Variants in PLSCR4 observed in about 807,000 individuals in gnomAD.
PLSCR4 encodes the protein phospholipid scramblase 4.
Under a neutral mutation model 36.3 loss-of-function variants are expected in PLSCR4, and 25 were observed. The ratio of observed to expected loss-of-function variants is 0.69; its 90% CI spans 0.50 to 0.96. The LOEUF (loss-of-function observed/expected upper bound fraction) is 0.96. Among genes scored for constraint, PLSCR4 ranks in the 40% least tolerant of loss-of-function variants. The pLI is 0.00. For synonymous variants in PLSCR4, 122 were observed against 132.9 expected, an observed-to-expected ratio of 0.92 and a Z score of 0.56; for missense variants, 408 against 414.7, an observed-to-expected ratio of 0.98 and a Z score of 0.14.
intron 3 of PLSCR4, among the ~76,000 whole-genome samples, chr3:146,211,362 T>C (rs1309124416): frequency 2.6e-5 from 4 of 152,112 alleles, no homozygotes; most frequent in Admixed American, 2.6e-4. Context: ...TTTGGAGAAC[T>C]ATCTATTAAA....
At chr3:146,244,233 T>C (rs933539201) in intron 1 of PLSCR4, among the ~76,000 whole-genome samples, 2 of 152,134 alleles carry the variant, frequency 1.3e-5, no homozygotes, top group African/African-American at 4.8e-5. Flanking sequence ...CACAACATTA[T>C]CAAAAATATT....
intron 1 of PLSCR4, among the ~76,000 whole-genome samples, chr3:146,246,968 A>G (rs2107869327): frequency 6.6e-6 from 1 of 152,290 alleles, no homozygotes; most frequent in South Asian, 2.1e-4. Context: ...TTTTCCTCCA[A>G]TAGATTTTCT....
intron 1 of PLSCR4, chr3:146,250,678 T>G (rs1351608688): frequency 1.3e-5 from 2 of 151,792 alleles, no homozygotes; most frequent in Non-Finnish European, 2.9e-5. Context: ...CCCCGTGAAG[T>G]GCAGCCAGGA....
intron 1 of PLSCR4, among the ~76,000 whole-genome samples, chr3:146,244,456 C>G (rs114576711): frequency 1.3e-5 from 2 of 152,060 alleles, no homozygotes; most frequent in African/African-American, 2.4e-5. Flanking sequence ...TGCCATTTTG[C>G]AGAACAGCAA....
chr3:146,200,138 T>G (rs1267896150), intron 5 of PLSCR4, 99 bp from the exon 6 acceptor site: 2 of 689,944 alleles, frequency 2.9e-6, no homozygotes, highest in Non-Finnish European at 5.0e-6. Flanking sequence ...CAACATAGCT[T>G]TTTTAAAGTT....
intron 1 of PLSCR4, among the ~76,000 whole-genome samples, chr3:146,243,792 C>A (rs147080696): frequency 6.6e-6 from 1 of 152,242 alleles, no homozygotes; most frequent in East Asian, 1.9e-4. Context: ...AAAAGTCATC[C>A]ATCAGAATGC....
intron 3 of PLSCR4, among the ~76,000 whole-genome samples, chr3:146,214,117 C>CTTT (rs1300325064): frequency 2.2e-4 from 12 of 55,804 alleles, no homozygotes; most frequent in East Asian, 4.0e-4. Context: ...TGATATCTTC[C>CTTT]TTTTTTTTTT....
intron 7 of PLSCR4, among the ~76,000 whole-genome samples, chr3:146,195,496 C>T (rs575299725): frequency 6.6e-6 from 1 of 152,270 alleles, no homozygotes; most frequent in East Asian, 1.9e-4. Flanking sequence ...GACTGCTGCT[C>T]TTTCTTCATC....
At chr3:146,235,928 A>G (rs2035895040) in intron 1 of PLSCR4, among the ~76,000 whole-genome samples, 3 of 152,186 alleles carry the variant, frequency 2.0e-5, no homozygotes, top group African/African-American at 7.2e-5. Flanking sequence ...TCGGGTAACT[A>G]GCAGAAGAAA....
intron 1 of PLSCR4, among the ~76,000 whole-genome samples, chr3:146,224,492 T>TATGTTCCGATGTATTCGG (rs1189970459): frequency 3.4e-5 from 5 of 148,966 alleles, no homozygotes; most frequent in African/African-American, 1.3e-4. Context: ...TGTTCCTTCT[T>TATGTTCCGATGTATTCGG]ATGTTCCGAT....
At chr3:146,217,963 G>A (rs1189561818) in intron 3 of PLSCR4, among the ~76,000 whole-genome samples, 1 of 152,102 alleles carries the variant, frequency 6.6e-6, no homozygotes, top group Non-Finnish European at 1.5e-5. Flanking sequence ...GACTGGGAGA[G>A]GAGAGAGAAG....
rs935213351 is a variant in PLSCR4 at position 146,242,959 on chromosome 3, C to A, written c.-22+8001G>T. Among the ~76,000 whole-genome samples the A allele has an allele frequency of 5.3e-5, 8 of 152,278 alleles. No individual in the cohort carries two copies. In the East Asian group the frequency reaches 1.4e-3, roughly 26 times the overall value. ...ATCTAATGGATCCACTACCTTTTGTCTGAACTATTTCTCCACCAGAGAAAG... is the reference window on the plus strand; with the variant it reads ...ATCTAATGGATCCACTACCTTTTGTATGAACTATTTCTCCACCAGAGAAAG... On this transcript the variant is annotated intron_variant, in intron 1 of 8. Coordinates refer to ENST00000354952, the MANE Select transcript of PLSCR4 (RefSeq NM_020353.3).
intron 6 of PLSCR4, 141 bp from the exon 7 acceptor site, chr3:146,196,934 C>CA (rs1173222617): frequency 2.8e-5 from 20 of 708,432 alleles, no homozygotes; most frequent in South Asian, 4.2e-5. Flanking sequence ...CCTTCCATCT[C>CA]ACCCAGGCCA....
Position 146,195,273 on chromosome 3 carries a change from G to A in PLSCR4, c.796C>T (p.Leu266Phe). 2 of 1,612,978 alleles carry A rather than the reference G, an allele frequency of 1.2e-6. No homozygotes were observed. The highest frequency in any genetic ancestry group is 1.7e-6 in the Non-Finnish European group (2 of 1,179,126). Residue 266 changes from leucine (L) to phenylalanine (F), a missense_variant, in exon 8 of 9, where the codon CTT (leucine) becomes TTT (phenylalanine). Leu to Phe is a conservative substitution (Grantham distance 22, BLOSUM62 0). Transcript: ENST00000354952. ...GSDSVFEVKSLDGISNIGSII... is the reference protein window; with the variant it reads ...GSDSVFEVKSFDGISNIGSII... ...CTGCCGATGTTGGATATGCCATCAA[G>A]GGATTTGACCTGGAATGACAAGAAT... is the stretch of plus-strand genomic sequence containing the variant.
Position 146,193,372 on chromosome 3 carries a change from T to C in PLSCR4, c.*1039A>G, listed in dbSNP as rs567111747. On this transcript the variant is annotated 3_prime_UTR_variant, in exon 9 of 9. Transcript: ENST00000354952. ...TTATAAAGTGCTACATAAAATGTCATATTTCCAAATTTAAAAACATAACTC... is the reference window on the plus strand; with the variant it reads ...TTATAAAGTGCTACATAAAATGTCACATTTCCAAATTTAAAAACATAACTC... 15 of 152,268 alleles carry C rather than the reference T, an allele frequency of 9.9e-5. No individual in the cohort carries two copies. The East Asian group carries it at 2.7e-3, about 27-fold the overall frequency. The allele number at this position is 152,268 out of a possible 1,614,324, so 9.4% of individuals were successfully genotyped here.
intron 1 of PLSCR4, among the ~76,000 whole-genome samples, chr3:146,247,326 A>G (rs2036377777): frequency 6.6e-6 from 1 of 152,024 alleles, no homozygotes; most frequent in African/African-American, 2.4e-5. Context: ...ATCAATTTAG[A>G]CCCCAGACAA....
intron 3 of PLSCR4, among the ~76,000 whole-genome samples, chr3:146,211,535 A>G (rs974056620): frequency 3.3e-5 from 5 of 152,128 alleles, no homozygotes; most frequent in African/African-American, 1.2e-4. Flanking sequence ...GATATACAAA[A>G]CTTTTTAATT....
At chr3:146,213,797 T>C (rs2034752783) in intron 3 of PLSCR4, among the ~76,000 whole-genome samples, 1 of 152,236 alleles carries the variant, frequency 6.6e-6, no homozygotes, top group Non-Finnish European at 1.5e-5. Flanking sequence ...GGTTTCCTAT[T>C]AGCATACAAT....
At chr3:146,224,696 A>C (rs1038970977) in intron 1 of PLSCR4, among the ~76,000 whole-genome samples, 4 of 151,914 alleles carry the variant, frequency 2.6e-5, no homozygotes, top group Admixed American at 6.6e-5. Context: ...CGGGTTGCCA[A>C]TGCTGGCTCG....
Sources: allele counts gnomAD v4.1 joint callset (sites outside exome capture counted in the v4.1 genomes callset), GRCh38; gene constraint gnomAD v4.1.1; transcripts MANE v1.5; gene names NCBI Gene and HGNC (gene_info 2026-07-23, HGNC 2026-07-21).